The following DNAJC1 variants were observed in gnomAD, a reference collection of about 807,000 sequenced individuals.
The protein encoded by DNAJC1 is DnaJ heat shock protein family (Hsp40) member C1, also known as dnaJ homolog subfamily C member 1.
In DNAJC1, 58 loss-of-function variants were observed where a neutral mutation model predicts 76.6. That is an observed-to-expected ratio of 0.76 (90% CI 0.61 to 0.94). DNAJC1 has a LOEUF of 0.94. Among genes scored for constraint, DNAJC1 ranks in the 40% least tolerant of loss-of-function variants. The pLI is 0.00. For missense variants in DNAJC1, 689 were observed against 677.3 expected, an observed-to-expected ratio of 1.02 and a Z score of -0.19; for synonymous variants, 258 against 267.9, an observed-to-expected ratio of 0.96 and a Z score of 0.36.
At chr10:21,965,168 CTCTTTGTTA>C (rs888226765) in intron 1 of DNAJC1, among the ~76,000 whole-genome samples, 1 of 152,156 alleles carries the variant, frequency 6.6e-6, no homozygotes, top group African/African-American at 2.4e-5. Flanking sequence ...ATGTCTGCAT[CTCTTTGTTA>C]TCTCAAGATA....
chr10:21,830,003 T>C (rs1835330785), intron 8 of DNAJC1, among the ~76,000 whole-genome samples: 1 of 152,216 alleles, frequency 6.6e-6, no homozygotes, highest in Non-Finnish European at 1.5e-5. Flanking sequence ...AGTAAATCCA[T>C]ATCTATCCCC....
chr10:21,772,565 T>G (rs7924290), intron 9 of DNAJC1, among the ~76,000 whole-genome samples: 1 of 152,148 alleles, frequency 6.6e-6, no homozygotes, highest in African/African-American at 2.4e-5. Flanking sequence ...TTTTTATTTA[T>G]ATAAGATTGG....
At chr10:21,967,776 T>C (rs1301419437) in intron 1 of DNAJC1, among the ~76,000 whole-genome samples, 1 of 152,142 alleles carries the variant, frequency 6.6e-6, no homozygotes, top group Non-Finnish European at 1.5e-5. Flanking sequence ...CGAGTTTTCA[T>C]CAATTATCAG....
intron 8 of DNAJC1, among the ~76,000 whole-genome samples, chr10:21,849,147 G>A (rs1835707752): frequency 6.6e-6 from 1 of 151,632 alleles, no homozygotes; most frequent in Non-Finnish European, 1.5e-5. Flanking sequence ...AAAAAAATTA[G>A]CCAGGCATGG....
chr10:21,803,774 G>A lies in DNAJC1; in HGVS notation c.1098+2206C>T, dbSNP rs1011997719. On this transcript the variant is annotated intron_variant, in intron 9 of 11. Coordinates refer to ENST00000376980, the MANE Select transcript of DNAJC1 (RefSeq NM_022365.4). ...TTGACATAGAAGAAAAGTTATAATG[G>A]CATTTTTTTGTACAACAAAAGTTTA... 4.2e-5 allele frequency: 38 copies of A among 904,192 alleles called. No homozygotes were observed. In the Admixed American group the frequency reaches 1.2e-3, roughly 28 times the overall value. 56.0% of individuals were successfully genotyped at this position (904,192 alleles called of 1,614,324 possible).
chr10:21,830,814 T>C (rs1417528351), intron 8 of DNAJC1, among the ~76,000 whole-genome samples: 1 of 152,220 alleles, frequency 6.6e-6, no homozygotes, highest in Non-Finnish European at 1.5e-5. Context: ...TGAATTCTCA[T>C]TTTAGAAGTT....
intron 6 of DNAJC1, among the ~76,000 whole-genome samples, chr10:21,910,426 T>C (rs1001530567): frequency 6.6e-6 from 1 of 152,152 alleles, no homozygotes; most frequent in African/African-American, 2.4e-5. Flanking sequence ...ATTCTTGACA[T>C]AGTTCATTAA....
intron 8 of DNAJC1, among the ~76,000 whole-genome samples, chr10:21,873,886 CA>C (rs1564814119): frequency 2.0e-5 from 3 of 152,136 alleles, no homozygotes; most frequent in Admixed American, 6.5e-5. Context: ...GGCAGTGGAA[CA>C]GGGGCAAAGT....
intron 9 of DNAJC1, among the ~76,000 whole-genome samples, chr10:21,772,076 T>A (rs891833538): frequency 2.0e-5 from 3 of 152,168 alleles, no homozygotes; most frequent in Non-Finnish European, 4.4e-5. Flanking sequence ...CAACTACAGT[T>A]GCACACCACC....
At chr10:21,924,266 A>G (rs1837085157) in intron 3 of DNAJC1, among the ~76,000 whole-genome samples, 1 of 152,208 alleles carries the variant, frequency 6.6e-6, no homozygotes, top group East Asian at 1.9e-4. Flanking sequence ...CAAATTTACA[A>G]TAACTAGTTA....
chr10:21,838,788 A>G (rs1203371022), intron 8 of DNAJC1, among the ~76,000 whole-genome samples: 2 of 152,212 alleles, frequency 1.3e-5, no homozygotes, highest in Non-Finnish European at 1.5e-5. Context: ...CCAAATCAAC[A>G]GAATATACAT....
intron 9 of DNAJC1, among the ~76,000 whole-genome samples, chr10:21,773,938 G>A (rs1000318348): frequency 6.6e-6 from 1 of 151,078 alleles, no homozygotes; most frequent in Non-Finnish European, 1.5e-5. Context: ...TCAGGAGATC[G>A]AGACCATCCC....
chr10:21,902,815 A>AT (rs919637384), intron 7 of DNAJC1, among the ~76,000 whole-genome samples: 6 of 148,534 alleles, frequency 4.0e-5, no homozygotes, highest in East Asian at 3.9e-4. Flanking sequence ...AAATTATAAT[A>AT]TTTTTTTTAA....
At chr10:21,817,758 C>T (rs984402013) in intron 8 of DNAJC1, among the ~76,000 whole-genome samples, 1 of 152,192 alleles carries the variant, frequency 6.6e-6, no homozygotes. Context: ...ATTAGTTCCC[C>T]AAATTAATAC....
intron 9 of DNAJC1, among the ~76,000 whole-genome samples, chr10:21,793,784 C>T (rs989784243): frequency 2.0e-5 from 3 of 151,836 alleles, no homozygotes; most frequent in African/African-American, 7.3e-5. Flanking sequence ...CCTGTCTTTA[C>T]AAATAAAAAA....
chr10:21,784,101 C>CA (rs1212475501), intron 9 of DNAJC1, among the ~76,000 whole-genome samples: 1 of 151,730 alleles, frequency 6.6e-6, no homozygotes, highest in Admixed American at 6.6e-5. Flanking sequence ...AAACTACTGT[C>CA]AGTGAACAGG....
chr10:21,902,398 G>A (rs370715645), intron 7 of DNAJC1, among the ~76,000 whole-genome samples: 4 of 152,084 alleles, frequency 2.6e-5, no homozygotes, highest in South Asian at 4.2e-4. Context: ...TCTGCCTCCC[G>A]GGTTCAGGCG....
intron 8 of DNAJC1, among the ~76,000 whole-genome samples, chr10:21,816,250 C>T (rs1451434194): frequency 4.6e-5 from 7 of 151,678 alleles, no homozygotes. Flanking sequence ...ATCCCAGCTA[C>T]TTGGGTGACT....
At chr10:21,798,273 C>G (rs1284053075) in intron 9 of DNAJC1, among the ~76,000 whole-genome samples, 2 of 152,192 alleles carry the variant, frequency 1.3e-5, no homozygotes, top group Non-Finnish European at 2.9e-5. Context: ...CCTGGCCTTC[C>G]TTCCTGCTTT....
Sources: allele counts gnomAD v4.1 joint callset (sites outside exome capture counted in the v4.1 genomes callset), GRCh38; gene constraint gnomAD v4.1.1; transcripts MANE v1.5; gene names NCBI Gene and HGNC (gene_info 2026-07-23, HGNC 2026-07-21).